The following SGCD variants were observed in gnomAD, a reference collection of about 807,000 sequenced individuals.
SGCD encodes the protein sarcoglycan delta.
In SGCD, 18 loss-of-function variants were observed where a neutral mutation model predicts 36.6. That is an observed-to-expected ratio of 0.49 (90% CI 0.34 to 0.73). The LOEUF is 0.73. SGCD is among the 30% of genes least tolerant of loss of function. The pLI, the probability that SGCD is intolerant of heterozygous loss-of-function variation, is 0.01. For synonymous variants in SGCD, 133 were observed against 130.6 expected (o/e 1.02, Z -0.12); for missense variants, 387 against 346.7 (o/e 1.12, Z -0.92).
chr5:156,192,732 G>A (rs775638604), intron 3 of SGCD, among the ~76,000 whole-genome samples: 30 of 151,086 alleles, frequency 2.0e-4, no homozygotes, highest in Middle Eastern at 3.2e-3. Flanking sequence ...AATATCACAT[G>A]TACCCCATAA....
intron 3 of SGCD, among the ~76,000 whole-genome samples, chr5:156,140,199 A>C (rs978095623): frequency 2.0e-5 from 3 of 152,222 alleles, no homozygotes; most frequent in African/African-American, 7.2e-5. Flanking sequence ...AGTTGTTGCT[A>C]TAATAAAGAG....
In SGCD at chr5:156,050,325, A is replaced by G. The variant is rs1759883613; in HGVS notation, c.-281-67553A>G. Among the ~76,000 whole-genome samples, 2 of 146,856 alleles carry G rather than the reference A, an allele frequency of 1.4e-5. 1 individual carries two copies. The highest frequency in any genetic ancestry group is 3.1e-5 in the Non-Finnish European group (2 of 65,096). ...ACTCTCCACCAGCAGAAAGATTATGACTTGCTGAAGACTCAGACGCTAGTT... is the reference window on the plus strand; with the variant it reads ...ACTCTCCACCAGCAGAAAGATTATGGCTTGCTGAAGACTCAGACGCTAGTT... On this transcript the variant is annotated intron_variant, in intron 1 of 9. Coordinates refer to the SGCD transcript ENST00000517913.
chr5:156,199,038 G>T (rs1764084452), intron 3 of SGCD, among the ~76,000 whole-genome samples: 1 of 151,894 alleles, frequency 6.6e-6, no homozygotes, highest in Non-Finnish European at 1.5e-5. Context: ...AAGAAATAAG[G>T]TCATATATGC....
chr5:156,574,869 G>T (rs186174220), intron 4 of SGCD, among the ~76,000 whole-genome samples: 1 of 152,244 alleles, frequency 6.6e-6, no homozygotes, highest in East Asian at 1.9e-4. Context: ...TGACTCCCCA[G>T]AATGCCATGC....
chr5:155,804,953 C>G, the SGCD span, among the ~76,000 whole-genome samples: 1 of 152,196 alleles, frequency 6.6e-6, no homozygotes, highest in Non-Finnish European at 1.5e-5. Flanking sequence ...ATAGAACTTT[C>G]TGCAGTGTCC....
chr5:155,859,154 A>C, the SGCD span, among the ~76,000 whole-genome samples: 1 of 151,786 alleles, frequency 6.6e-6, no homozygotes, highest in African/African-American at 2.4e-5. Context: ...CGTAACCCCC[A>C]GACTCAGGCA....
At chr5:156,233,718 G>A (rs951246431) in intron 3 of SGCD, among the ~76,000 whole-genome samples, 11 of 152,196 alleles carry the variant, frequency 7.2e-5, no homozygotes, top group Non-Finnish European at 1.3e-4. Context: ...AAATGCTCAC[G>A]TTTTTAAAAA....
At chr5:156,287,900 A>G (rs530377844) in intron 3 of SGCD, among the ~76,000 whole-genome samples, 5 of 152,202 alleles carry the variant, frequency 3.3e-5, no homozygotes, top group Admixed American at 2.6e-4. Context: ...CTCTGTCTCA[A>G]AAACAAACAA....
intron 6 of SGCD, among the ~76,000 whole-genome samples, chr5:156,614,087 C>G (rs1271594822): frequency 6.6e-6 from 1 of 152,142 alleles, no homozygotes; most frequent in Non-Finnish European, 1.5e-5. Flanking sequence ...GCTGGGATTA[C>G]AGGTACGCAC....
intron 1 of SGCD, among the ~76,000 whole-genome samples, chr5:156,040,361 T>C (rs754710825): frequency 1.3e-5 from 2 of 152,228 alleles, no homozygotes; most frequent in South Asian, 2.1e-4. Flanking sequence ...TATAATTTTA[T>C]ATTCTCTTTC....
At chr5:155,735,446 A>T in the SGCD span, among the ~76,000 whole-genome samples, 2 of 152,200 alleles carry the variant, frequency 1.3e-5, no homozygotes, top group African/African-American at 4.8e-5. Flanking sequence ...GGTTAGAGAT[A>T]ATCTAGTCCA....
At chr5:156,030,230 T>C (rs984580673) in intron 1 of SGCD, among the ~76,000 whole-genome samples, 1 of 152,206 alleles carries the variant, frequency 6.6e-6, no homozygotes, top group East Asian at 1.9e-4. Context: ...GAAAGATATG[T>C]TGAAGTCCTA....
rs1761500302 is a variant in SGCD at position 156,100,794 on chromosome 5, A to G, written c.-281-17084A>G. 2.0e-5 allele frequency among the ~76,000 whole-genome samples: 3 copies of G among 152,214 alleles called. No homozygotes were observed. The South Asian group carries it at 6.2e-4, about 31-fold the overall frequency. The stretch of plus-strand genomic sequence containing the variant: ...TTTAAATTTTATTTGAATACCTTTG[A>G]TATTTCAAAGTGGTGTATACACTAG... On this transcript the variant is annotated intron_variant, in intron 1 of 9. Transcript: ENST00000517913.
chr5:156,589,098 G>T, intron 4 of SGCD, 133 bp from the exon 5 acceptor site: 14 of 557,258 alleles, frequency 2.5e-5, no homozygotes, highest in East Asian at 6.5e-5. Flanking sequence ...TTAAACATTT[G>T]GAGTTTTTGA....
intron 3 of SGCD, among the ~76,000 whole-genome samples, chr5:156,308,350 T>C (rs573430650): frequency 6.6e-6 from 1 of 151,796 alleles, no homozygotes; most frequent in African/African-American, 2.4e-5. Flanking sequence ...CCAGGCTGGA[T>C]TGCAGTGGCG....
intron 3 of SGCD, among the ~76,000 whole-genome samples, chr5:156,470,688 C>T (rs1018834700): frequency 2.0e-5 from 3 of 152,088 alleles, no homozygotes; most frequent in Admixed American, 6.6e-5. Context: ...TTTGCTAATA[C>T]AAGTTTGTAC....
intron 4 of SGCD, among the ~76,000 whole-genome samples, chr5:156,510,287 C>A (rs1756874323): frequency 6.6e-6 from 1 of 152,152 alleles, no homozygotes; most frequent in African/African-American, 2.4e-5. Context: ...ATTGAGAAAC[C>A]TATACCCTAG....
intron 3 of SGCD, among the ~76,000 whole-genome samples, chr5:156,442,917 G>A (rs114688667): frequency 2.0e-4 from 30 of 152,260 alleles, no homozygotes; most frequent in South Asian, 4.1e-4. Flanking sequence ...GAAGGAAACC[G>A]TAGCTGTGAT....
chr5:156,368,136 G>T (rs1580882770), intron 3 of SGCD, among the ~76,000 whole-genome samples: 1 of 151,248 alleles, frequency 6.6e-6, no homozygotes, highest in East Asian at 1.9e-4. Flanking sequence ...TTGTCACCCA[G>T]GCTGTAGCGC....
Sources: gnomAD v4.1 joint callset for allele counts (sites outside exome capture counted in the v4.1 genomes callset) on GRCh38, gnomAD v4.1.1 for gene constraint, MANE v1.5 for transcripts, NCBI Gene and HGNC (gene_info 2026-07-23, HGNC 2026-07-21) for gene names.